HIVEP3: variants seen among roughly 807,000 people sequenced by gnomAD.
HIVEP3 encodes the protein HIVEP zinc finger 3, also known as transcription factor HIVEP3.
Under a neutral mutation model 152.8 loss-of-function variants are expected in HIVEP3, and 49 were observed. The ratio of observed to expected loss-of-function variants is 0.32; its 90% CI spans 0.26 to 0.41. HIVEP3 has a LOEUF of 0.41. Among genes scored for constraint, HIVEP3 ranks in the 10% least tolerant of loss-of-function variants. The pLI is 1.00. For synonymous variants in HIVEP3, 1,269 were observed against 1,289.0 expected, an observed-to-expected ratio of 0.98 and a Z score of 0.33; for missense variants, 2,790 against 3,103.3, an observed-to-expected ratio of 0.90 and a Z score of 2.40.
intron 1 of HIVEP3, among the ~76,000 whole-genome samples, chr1:41,711,136 G>A (rs577713187): frequency 1.4e-4 from 22 of 152,294 alleles, no homozygotes; most frequent in East Asian, 3.9e-4. Flanking sequence ...TTCCCTTTGC[G>A]CACTATTGGT....
At chr1:41,843,477 G>T (rs115439793) in intron 1 of HIVEP3, among the ~76,000 whole-genome samples, 39 of 152,012 alleles carry the variant, frequency 2.6e-4, no homozygotes, top group African/African-American at 8.4e-4. Context: ...TAGGGAACAC[G>T]CCATCCTCCC....
rs146651875 is a variant in HIVEP3, at chr1:41,936,364, G to A, written n.120-17840C>T. ...GGGGCTTCTGTCACCCCTCAAGCCC[G>A]GCCTGGCTTCCCTGAGAGGTGGAGA... On this transcript the variant is annotated intron_variant and non_coding_transcript_variant, in intron 1 of 3. Transcript: ENST00000489103. 4.7e-4 allele frequency among the ~76,000 whole-genome samples: 71 copies of A among 152,186 alleles called. 1 individual carries two copies. Among genetic ancestry groups the A allele is most frequent in the African/African-American group, 1.7e-3 (69 of 41,512 alleles).
At chr1:41,615,297 C>T (rs1048143401) in intron 3 of HIVEP3, among the ~76,000 whole-genome samples, 1 of 152,214 alleles carries the variant, frequency 6.6e-6, no homozygotes, top group African/African-American at 2.4e-5. Flanking sequence ...AGCTCATCTT[C>T]TACTCATGGT....
chr1:41,551,438 G>C (rs557339674), intron 5 of HIVEP3, among the ~76,000 whole-genome samples: 1 of 152,086 alleles, frequency 6.6e-6, no homozygotes, highest in Non-Finnish European at 1.5e-5. Flanking sequence ...GCTTGGAATC[G>C]TTTAAGAAGC....
chr1:41,946,748 A>T (rs1645077244), intron 1 of HIVEP3, among the ~76,000 whole-genome samples: 1 of 152,088 alleles, frequency 6.6e-6, no homozygotes, highest in Non-Finnish European at 1.5e-5. Context: ...AAGTTAAACT[A>T]AAGGATTCTG....
chr1:41,916,144 C>T (rs2124470172), intron 1 of HIVEP3, among the ~76,000 whole-genome samples: 1 of 152,302 alleles, frequency 6.6e-6, no homozygotes, highest in East Asian at 1.9e-4. Context: ...TTGCCTGTAC[C>T]TTTCACACAC....
intron 1 of HIVEP3, among the ~76,000 whole-genome samples, chr1:42,025,973 G>C (rs1645579499): frequency 6.6e-6 from 1 of 151,930 alleles, no homozygotes; most frequent in Non-Finnish European, 1.5e-5. Context: ...CAGAGGATGA[G>C]GTGAGAGGAT....
At position 41,575,603 on chromosome 1, in the gene HIVEP3, C is replaced by T. The variant is rs1239581272; in HGVS notation, c.5148G>A (p.Glu1716=). 12 of 1,614,022 alleles carry T rather than the reference C, an allele frequency of 7.4e-6. No homozygotes were observed. Among genetic ancestry groups the T allele is most frequent in the Admixed American group, 1.7e-5 (1 of 60,012 alleles). ...CTCTCTGGGAGGCAGGAGCATCCTC[C>T]TCCGGCTCCCCTCTCCTCTCTTCTT... ...EKEEERRGEP[E]EDAPASQRGE... is the part of the protein sequence containing the mutation. Residue 1716 remains glutamate (E), a synonymous_variant, in exon 5 of 9, where the codon GAG becomes GAA. Transcript: ENST00000372583.
At position 41,844,288 on chromosome 1, in the gene HIVEP3, T is replaced by A. The variant is rs992745621; in HGVS notation, c.-801+74125A>T. 2.6e-5 allele frequency among the ~76,000 whole-genome samples: 4 copies of A among 152,184 alleles called. No homozygotes were observed. In the East Asian group the frequency reaches 5.8e-4, roughly 22 times the overall value. On this transcript the variant is annotated intron_variant, in intron 1 of 8. Transcript: ENST00000372583. Reference sequence around the variant, plus strand: ...TAAACTAACAAGGAGAAGAACGCAATGAACAGTGCTGCTGCATCTCCTCTG... The same window carrying A: ...TAAACTAACAAGGAGAAGAACGCAAAGAACAGTGCTGCTGCATCTCCTCTG...
intron 1 of HIVEP3, among the ~76,000 whole-genome samples, chr1:41,994,778 C>G (rs188739245): frequency 1.8e-4 from 27 of 152,112 alleles, no homozygotes; most frequent in South Asian, 4.1e-4. Context: ...AACTATAAAA[C>G]AACTATGCTT....
intron 3 of HIVEP3, among the ~76,000 whole-genome samples, chr1:41,605,181 G>T (rs1285704796): frequency 7.0e-6 from 1 of 142,084 alleles, no homozygotes; most frequent in Admixed American, 7.0e-5. Context: ...GGGAGGGGAG[G>T]GGAGGGAAGG....
At chr1:41,688,242 C>T (rs981679765) in intron 2 of HIVEP3, among the ~76,000 whole-genome samples, 1 of 152,188 alleles carries the variant, frequency 6.6e-6, no homozygotes, top group African/African-American at 2.4e-5. Context: ...CTGTTGCTCT[C>T]CTCTGGCCCC....
intron 1 of HIVEP3, among the ~76,000 whole-genome samples, chr1:41,879,901 A>T (rs2124425114): frequency 6.6e-6 from 1 of 152,344 alleles, no homozygotes; most frequent in South Asian, 2.1e-4. Flanking sequence ...CAACTCACAT[A>T]GAGCTCTTCT....
At chr1:41,866,440 C>T (rs903637752) in intron 1 of HIVEP3, among the ~76,000 whole-genome samples, 19 of 152,246 alleles carry the variant, frequency 1.2e-4, no homozygotes, top group African/African-American at 4.1e-4. Context: ...ACTGCCTGTA[C>T]TGACTCCTGG....
chr1:41,591,883 C>T (rs1161151266), intron 3 of HIVEP3, among the ~76,000 whole-genome samples: 2 of 152,110 alleles, frequency 1.3e-5, no homozygotes, highest in Admixed American at 6.5e-5. Flanking sequence ...AGAGGCATGA[C>T]CGACCCAACG....
intron 6 of HIVEP3, among the ~76,000 whole-genome samples, chr1:41,523,901 G>T (rs921128187): frequency 1.3e-5 from 2 of 152,198 alleles, no homozygotes; most frequent in African/African-American, 4.8e-5. Flanking sequence ...CCTCCAAGGC[G>T]CTTCAGTCTG....
chr1:41,684,820 CACA>C (rs1646091013), intron 2 of HIVEP3, among the ~76,000 whole-genome samples: 1 of 152,202 alleles, frequency 6.6e-6, no homozygotes, highest in South Asian at 2.1e-4. Flanking sequence ...ATTTAATCTT[CACA>C]ACAACCTGCC....
intron 1 of HIVEP3, among the ~76,000 whole-genome samples, chr1:41,819,131 C>CT (rs554731070): frequency 1.1e-4 from 17 of 152,010 alleles, no homozygotes; most frequent in Non-Finnish European, 2.4e-4. Flanking sequence ...CCCACTCTCC[C>CT]TTTTTTTTGT....
chr1:42,012,166 T>C (rs1334989631), intron 1 of HIVEP3, among the ~76,000 whole-genome samples: 1 of 151,984 alleles, frequency 6.6e-6, no homozygotes, highest in Non-Finnish European at 1.5e-5. Flanking sequence ...CAGGGTACTT[T>C]TATTCTTCAT....
Sources: gnomAD v4.1 joint callset for allele counts (sites outside exome capture counted in the v4.1 genomes callset) on GRCh38, gnomAD v4.1.1 for gene constraint, MANE v1.5 for transcripts, NCBI Gene and HGNC (gene_info 2026-07-23, HGNC 2026-07-21) for gene names.